ZNF804B: variants seen among roughly 807,000 people sequenced by gnomAD.
ZNF804B encodes zinc finger protein 804B, also known as zinc finger 804B.
Under a neutral mutation model 101.4 loss-of-function variants are expected in ZNF804B, and 80 were observed. The observed-to-expected ratio is 0.79, with a 90% CI of 0.66 to 0.95. ZNF804B has a LOEUF of 0.95. ZNF804B is among the 40% of genes least tolerant of loss of function. ZNF804B has a pLI of 0.00. For missense variants in ZNF804B, 1,673 were observed against 1,561.9 expected (o/e 1.07, Z -1.20); for synonymous variants, 622 against 558.8 (o/e 1.11, Z -1.59).
At chr7:88,877,120 C>T (rs1347280773) in intron 1 of ZNF804B, among the ~76,000 whole-genome samples, 2 of 119,144 alleles carry the variant, frequency 1.7e-5, no homozygotes, top group African/African-American at 6.6e-5. Context: ...AGTGCAGTGG[C>T]ACGATCTCAG....
intron 1 of ZNF804B, among the ~76,000 whole-genome samples, chr7:89,175,766 A>G (rs1791308077): frequency 6.6e-6 from 1 of 151,976 alleles, no homozygotes; most frequent in Non-Finnish European, 1.5e-5. Flanking sequence ...TATAATTTTT[A>G]TTGTAGCAAT....
At chr7:89,114,032 C>T (rs925829167) in intron 1 of ZNF804B, among the ~76,000 whole-genome samples, 8 of 151,884 alleles carry the variant, frequency 5.3e-5, no homozygotes, top group Non-Finnish European at 1.2e-4. Flanking sequence ...TTCTCTCAAG[C>T]AATTAATAAG....
intron 1 of ZNF804B, among the ~76,000 whole-genome samples, chr7:88,817,847 A>G (rs17164532): frequency 0.21 from 31,758 of 152,128 alleles, 3,646 homozygotes; most frequent in East Asian, 0.45. Flanking sequence ...CTGTTATTCC[A>G]ATAGAGGAAC....
intron 1 of ZNF804B, among the ~76,000 whole-genome samples, chr7:89,141,311 G>C (rs1379984045): frequency 1.3e-5 from 2 of 151,944 alleles, no homozygotes; most frequent in African/African-American, 2.4e-5. Context: ...GGAGTAATTG[G>C]GCTAATACCC....
At chr7:88,987,960 T>A (rs10249598) in intron 1 of ZNF804B, among the ~76,000 whole-genome samples, 15,997 of 151,892 alleles carry the variant, frequency 0.11, 935 homozygotes, top group Non-Finnish European at 0.12. Context: ...TCTACATCCA[T>A]AAAATCATCC....
intron 1 of ZNF804B, among the ~76,000 whole-genome samples, chr7:89,198,086 C>A (rs1788581770): frequency 6.6e-6 from 1 of 151,742 alleles, no homozygotes; most frequent in African/African-American, 2.4e-5. Context: ...GATTATTAAA[C>A]CTTTGCAAAT....
chr7:88,911,550 G>T (rs1399930354), intron 1 of ZNF804B, among the ~76,000 whole-genome samples: 1 of 149,860 alleles, frequency 6.7e-6, no homozygotes, highest in Non-Finnish European at 1.5e-5. Flanking sequence ...CTAATATATT[G>T]TAAGGCTACA....
At chr7:89,175,516 A>T (rs1791304361) in intron 1 of ZNF804B, among the ~76,000 whole-genome samples, 1 of 151,868 alleles carries the variant, frequency 6.6e-6, no homozygotes, top group African/African-American at 2.4e-5. Context: ...TGATTCTTCC[A>T]GTTTTGTTCT....
chr7:88,955,939 A>G (rs1439415668), intron 1 of ZNF804B, among the ~76,000 whole-genome samples: 1 of 151,706 alleles, frequency 6.6e-6, no homozygotes, highest in Non-Finnish European at 1.5e-5. Flanking sequence ...CTGAATAGAC[A>G]TTTCTGAAAA....
chr7:89,283,655 TTATAA>T (rs1252383594), intron 2 of ZNF804B, among the ~76,000 whole-genome samples: 1 of 152,186 alleles, frequency 6.6e-6, no homozygotes, highest in African/African-American at 2.4e-5. Context: ...TGATTTCAGC[TTATAA>T]TATATCATCT....
intron 1 of ZNF804B, among the ~76,000 whole-genome samples, chr7:88,815,484 A>G (rs754553474): frequency 2.7e-5 from 4 of 150,090 alleles, no homozygotes; most frequent in Non-Finnish European, 5.9e-5. Context: ...AATATATTAT[A>G]TATATTATTA....
chr7:88,836,271 A>C (rs1791213667), intron 1 of ZNF804B, among the ~76,000 whole-genome samples: 1 of 151,982 alleles, frequency 6.6e-6, no homozygotes, highest in Admixed American at 6.6e-5. Context: ...TTGAAGTTAT[A>C]GATAAATTCC....
At chr7:89,259,250 C>T (rs1789677422) in intron 2 of ZNF804B, among the ~76,000 whole-genome samples, 1 of 152,098 alleles carries the variant, frequency 6.6e-6, no homozygotes, top group African/African-American at 2.4e-5. Flanking sequence ...TGTCTATTGG[C>T]TCTACTTTTT....
chr7:88,987,885 C>G (rs1314921572), intron 1 of ZNF804B, among the ~76,000 whole-genome samples: 5 of 151,914 alleles, frequency 3.3e-5, no homozygotes, highest in African/African-American at 4.8e-5. Flanking sequence ...GACCCATTAA[C>G]CAAACCTTCT....
At chr7:89,066,192 T>G (rs1411189126) in intron 1 of ZNF804B, among the ~76,000 whole-genome samples, 2 of 152,150 alleles carry the variant, frequency 1.3e-5, no homozygotes, top group Non-Finnish European at 2.9e-5. Context: ...TGGTTTGTTT[T>G]CATGGGACAT....
At chr7:88,842,946 T>A (rs946537166) in intron 1 of ZNF804B, among the ~76,000 whole-genome samples, 1 of 152,174 alleles carries the variant, frequency 6.6e-6, no homozygotes, top group African/African-American at 2.4e-5. Flanking sequence ...AATACATCTC[T>A]AATTGAAATA....
chr7:88,920,740 AAAACTCATTTTATAGATACAGAT>A (rs1309287606), intron 1 of ZNF804B, among the ~76,000 whole-genome samples: 2 of 152,226 alleles, frequency 1.3e-5, no homozygotes, highest in Non-Finnish European at 2.9e-5. Context: ...ATCTAGTAAA[AAAACTCATTTTATAGATACAGAT>A]ATTAATTAAT....
At chr7:88,975,269 AT>A (rs1562848727) in intron 1 of ZNF804B, among the ~76,000 whole-genome samples, 1 of 151,230 alleles carries the variant, frequency 6.6e-6, no homozygotes, top group Non-Finnish European at 1.5e-5. Context: ...CAATATACTG[AT>A]TTCCTGTCTT....
intron 1 of ZNF804B, among the ~76,000 whole-genome samples, chr7:88,801,646 A>G (rs1215838348): frequency 6.6e-6 from 1 of 152,170 alleles, no homozygotes; most frequent in Non-Finnish European, 1.5e-5. Context: ...TCTAGATCCC[A>G]TGGTAAGTAA....
Sources: gnomAD v4.1 joint callset for allele counts (sites outside exome capture counted in the v4.1 genomes callset) on GRCh38, gnomAD v4.1.1 for gene constraint, MANE v1.5 for transcripts, NCBI Gene and HGNC (gene_info 2026-07-23, HGNC 2026-07-21) for gene names.